The following MBIP variants were observed in gnomAD, a reference collection of about 807,000 sequenced individuals.
MBIP encodes MAP3K12 binding inhibitory protein 1, also known as MAP3K12-binding inhibitory protein 1.
In MBIP, 32 loss-of-function variants were observed where a neutral mutation model predicts 45.7. That is an observed-to-expected ratio of 0.70 (90% CI 0.53 to 0.94). MBIP has a LOEUF of 0.94. MBIP is among the 40% of genes least tolerant of loss of function. The pLI is 0.00. For synonymous variants in MBIP, 145 were observed against 141.0 expected (o/e 1.03, Z -0.20); for missense variants, 381 against 405.5 (o/e 0.94, Z 0.52).
chr14:36,317,788 G>A (rs1880663335), intron 1 of MBIP, among the ~76,000 whole-genome samples: 3 of 152,024 alleles, frequency 2.0e-5, no homozygotes, highest in African/African-American at 7.2e-5. Flanking sequence ...TATTCAAAAT[G>A]AGTCATCTTT....
chr14:36,306,781 A>G (rs529324656), intron 7 of MBIP, among the ~76,000 whole-genome samples: 1 of 152,356 alleles, frequency 6.6e-6, no homozygotes, highest in South Asian at 2.1e-4. Flanking sequence ...AGAATGGGAA[A>G]AACTTATGGT....
In MBIP at chr14:36,314,612, C is replaced by G. The variant is rs1336785266; in HGVS notation, c.475-4G>C. The stretch of plus-strand genomic sequence containing the variant: ...ATGCAGATATTCGTCTGTCAATCTA[C>G]AAACAACAAGTTTTAACAGTGTAAA... On this transcript the variant is annotated splice_region_variant and splice_polypyrimidine_tract_variant and intron_variant, in intron 3 of 8. Transcript: ENST00000416007. 5.0e-6 allele frequency: 8 copies of G among 1,609,394 alleles called. No homozygotes were observed. Among genetic ancestry groups the G allele is most frequent in the African/African-American group, 1.3e-5 (1 of 74,686 alleles).
intron 6 of MBIP, among the ~76,000 whole-genome samples, chr14:36,309,898 G>C (rs757739937): frequency 3.9e-5 from 6 of 152,012 alleles, no homozygotes; most frequent in Non-Finnish European, 8.8e-5. Context: ...AGCCTCCCAA[G>C]GAACTGGGAT....
chr14:36,312,341 CAT>C, intron 4 of MBIP, among the ~76,000 whole-genome samples: 1 of 152,184 alleles, frequency 6.6e-6, no homozygotes, highest in East Asian at 1.9e-4. Context: ...AATAATCTAC[CAT>C]AGAGTATTTA....
At chr14:36,319,533 T>C (rs1341706099) in intron 1 of MBIP, 1 of 431,024 alleles carries the variant, frequency 2.3e-6, no homozygotes, top group Admixed American at 2.7e-5. Flanking sequence ...CTCAAGGCTT[T>C]AAAAATAATT....
rs1879781731 is a variant in MBIP at position 36,304,925 on chromosome 14, TGAAA to T, written c.888+3163_888+3166del. On this transcript the variant is annotated intron_variant, in intron 7 of 8. Transcript: ENST00000416007. Reference sequence around the variant, plus strand: ...GTGAATCTGAATAAACACATTTCAATGAAAATCTTTTCAGAGTTCAGGAGTTCCA... The same window carrying T: ...GTGAATCTGAATAAACACATTTCAATATCTTTTCAGAGTTCAGGAGTTCCA... Among the ~76,000 whole-genome samples the T allele has an allele frequency of 2.6e-5, 4 of 152,354 alleles. No homozygotes were observed. The South Asian group carries it at 8.3e-4, about 32-fold the overall frequency.
chr14:36,308,751 C>A (rs1403304475), intron 6 of MBIP, among the ~76,000 whole-genome samples: 1 of 152,106 alleles, frequency 6.6e-6, no homozygotes, highest in Non-Finnish European at 1.5e-5. Flanking sequence ...AATCCTTCTA[C>A]TTCTCACCCC....
chr14:36,299,834 A>G (rs1400469207), intron 8 of MBIP, among the ~76,000 whole-genome samples: 2 of 152,156 alleles, frequency 1.3e-5, no homozygotes, highest in African/African-American at 4.8e-5. Context: ...ATTCAAGTCT[A>G]CCTATGTGAA....
rs375762801 is a variant in MBIP, at chr14:36,314,673, G to C, written c.474+18C>G. On this transcript the variant is annotated intron_variant, in intron 3 of 8. Coordinates refer to ENST00000416007, the MANE Select transcript of MBIP (RefSeq NM_016586.3). ...TTTAAAATAATACCCTCTCGCCCCC[G>C]CCAAAAAACCTTCTTACTTCTGCTT... The C allele has an allele frequency of 6.2e-6, 10 of 1,608,664 alleles. No individual in the cohort carries two copies. The highest frequency in any genetic ancestry group is 6.8e-6 in the Non-Finnish European group (8 of 1,176,340).
Position 36,298,876 on chromosome 14 carries a change from C to CCAA in MBIP, c.*204_*206dup. ...CCTTTAAAACAGAAGGGAATAAATTCCAACAATGCTATTTTCAATGCATTC... is the reference window on the plus strand; with the variant it reads ...CCTTTAAAACAGAAGGGAATAAATTCCAACAACAATGCTATTTTCAATGCATTC... On this transcript the variant is annotated 3_prime_UTR_variant, in exon 9 of 9. Coordinates refer to ENST00000416007, the MANE Select transcript of MBIP (RefSeq NM_016586.3). 2.5e-6 allele frequency: 1 copy of CCAA among 406,146 alleles called. No homozygotes were observed. The highest frequency in any genetic ancestry group is 4.4e-6 in the Non-Finnish European group (1 of 227,708). The allele number at this position is 406,146 out of a possible 1,614,324, so 25.2% of individuals were successfully genotyped here.
At chr14:36,300,003 C>T (rs555662827) in intron 8 of MBIP, among the ~76,000 whole-genome samples, 1 of 152,122 alleles carries the variant, frequency 6.6e-6, no homozygotes, top group South Asian at 2.1e-4. Flanking sequence ...GTGATGGTTG[C>T]ACAACATAGT....
rs532077440 is a variant in MBIP at position 36,311,657 on chromosome 14, G to T, written c.706C>A (p.Pro236Thr). Residue 236 changes from proline to threonine, a missense_variant, in exon 6 of 9, where the codon CCT becomes ACT. Transcript: ENST00000416007. ...PEGIPGSGHK[P>T]NSMLRDCGNQ... ...CCACAGTCTCGAAGCATGCTGTTAGGTTTATGACCTGACCCTGGAATTCCT... is the reference window on the plus strand; with the variant it reads ...CCACAGTCTCGAAGCATGCTGTTAGTTTTATGACCTGACCCTGGAATTCCT... 1.9e-6 allele frequency: 3 copies of T among 1,613,418 alleles called. No homozygotes were observed. The highest frequency in any genetic ancestry group is 4.5e-5 in the East Asian group (2 of 44,874).
intron 7 of MBIP, 98 bp downstream of exon 7, chr14:36,307,994 T>C: frequency 1.6e-6 from 1 of 637,762 alleles, no homozygotes; most frequent in Non-Finnish European, 2.7e-6. Context: ...ATTATTAAAA[T>C]AGTGTTTTGC....
Position 36,308,080 on chromosome 14 carries a change from A to T in MBIP, c.888+12T>A. 1 of 1,371,152 alleles carries T rather than the reference A, an allele frequency of 7.3e-7. No homozygotes were observed. The highest frequency in any genetic ancestry group is 1.0e-6 in the Non-Finnish European group (1 of 973,688). The allele number at this position is 1,371,152 out of a possible 1,614,324, so 84.9% of individuals were successfully genotyped here. ...ACATTTTCATTTATTTTTAAAAGAC[A>T]CTTATACTCACTACAGACTGAAAAT... On this transcript the variant is annotated intron_variant, in intron 7 of 8. Coordinates refer to ENST00000416007, the MANE Select transcript of MBIP (RefSeq NM_016586.3).
In MBIP at chr14:36,299,127, T is replaced by A; in HGVS notation, c.991A>T (p.Lys331Ter). The A allele has an allele frequency of 6.2e-7, 1 of 1,613,852 alleles. No individual in the cohort carries two copies. The highest frequency in any genetic ancestry group is 8.5e-7 in the Non-Finnish European group (1 of 1,179,836). ...GCCATGGATTCTGCTTCTCTTGATTTTCTGAGGAGGGCTTGTTTGAGGGCA... is the reference window on the plus strand; with the variant it reads ...GCCATGGATTCTGCTTCTCTTGATTATCTGAGGAGGGCTTGTTTGAGGGCA... ...ISALKQALLRKSREAESMATH... is the reference protein window; with the variant it reads ...ISALKQALLR The change falls in exon 9 of 9, where the codon AAA (lysine) becomes TAA (stop). Residue 331 changes from lysine (K) to a stop codon, truncating the protein, a stop_gained. Transcript: ENST00000416007. LOFTEE classifies it high-confidence loss of function.
At chr14:36,311,496 T>C in intron 6 of MBIP, 77 bp downstream of exon 6, 2 of 1,383,230 alleles carry the variant, frequency 1.4e-6, no homozygotes, top group Non-Finnish European at 2.0e-6. Flanking sequence ...AAATGAAAAT[T>C]TGGTGACTAA....
At chr14:36,317,227 A>G (rs958524756) in intron 1 of MBIP, among the ~76,000 whole-genome samples, 2 of 152,188 alleles carry the variant, frequency 1.3e-5, no homozygotes, top group Non-Finnish European at 2.9e-5. Context: ...GTGTTTTGTG[A>G]AAGTTTTAAC....
At chr14:36,314,998 C>A in intron 2 of MBIP, 83 bp from the exon 3 acceptor site, 1 of 830,454 alleles carries the variant, frequency 1.2e-6, no homozygotes, top group South Asian at 1.7e-5. Flanking sequence ...TAAATTTCTG[C>A]TAAGTAAATG....
intron 4 of MBIP, chr14:36,313,223 C>A (rs1275712744): frequency 6.6e-6 from 1 of 150,638 alleles, no homozygotes; most frequent in East Asian, 1.9e-4. Flanking sequence ...TTTCATGGGG[C>A]TAAGGGTTAA....
Sources: allele counts gnomAD v4.1 joint callset (sites outside exome capture counted in the v4.1 genomes callset), GRCh38; gene constraint gnomAD v4.1.1; transcripts MANE v1.5; gene names NCBI Gene and HGNC (gene_info 2026-07-23, HGNC 2026-07-21).